Variants in ZNF354A observed in about 807,000 individuals in gnomAD.
ZNF354A encodes the protein epididymis luminal protein 104.
A neutral mutation model predicts 53.3 loss-of-function variants in ZNF354A; 25 were observed. That is an observed-to-expected ratio of 0.47 (90% CI 0.34 to 0.66). The LOEUF (loss-of-function observed/expected upper bound fraction) is 0.66, where lower values mean the gene tolerates loss of function less well. Among genes scored for constraint, ZNF354A ranks in the 30% least tolerant of loss-of-function variants. ZNF354A has a pLI of 0.01. For missense variants in ZNF354A, 586 were observed against 716.8 expected (o/e 0.82, Z 2.08); for synonymous variants, 228 against 249.0 (o/e 0.92, Z 0.79).
Position 178,711,964 on chromosome 5 carries a change from G to GT in ZNF354A, c.*95dup, listed in dbSNP as rs1387322531. 9 of 1,447,238 alleles carry GT rather than the reference G, an allele frequency of 6.2e-6. No homozygotes were observed. The highest frequency in any genetic ancestry group is 1.5e-5 in the South Asian group (1 of 67,674). The allele number at this position is 1,447,238 out of a possible 1,614,324, so 89.6% of individuals were successfully genotyped here. On this transcript the variant is annotated 3_prime_UTR_variant, in exon 5 of 5. Transcript: ENST00000335815. ...ACCTAATGAGGGCTAAATTATTACA[G>GT]TTTTTTTCACATCCATTACATTTAT...
intron 4 of ZNF354A, among the ~76,000 whole-genome samples, chr5:178,721,073 CAT>C (rs1481475275): frequency 2.6e-5 from 4 of 152,144 alleles, no homozygotes; most frequent in Non-Finnish European, 5.9e-5. Flanking sequence ...CTCAAAAAGT[CAT>C]AGATTCTACC....
At chr5:178,722,405 CA>C (rs1765827782) in intron 4 of ZNF354A, among the ~76,000 whole-genome samples, 1 of 152,224 alleles carries the variant, frequency 6.6e-6, no homozygotes, top group Admixed American at 6.5e-5. Context: ...ACATCATCTC[CA>C]AATCTGATCT....
At chr5:178,724,922 T>C (rs1765876920) in intron 4 of ZNF354A, among the ~76,000 whole-genome samples, 1 of 152,176 alleles carries the variant, frequency 6.6e-6, no homozygotes, top group Non-Finnish European at 1.5e-5. Flanking sequence ...CACCAACTTT[T>C]CTAAGATACC....
At chr5:178,728,337 C>T (rs958422818) in intron 2 of ZNF354A, among the ~76,000 whole-genome samples, 3 of 151,976 alleles carry the variant, frequency 2.0e-5, no homozygotes, top group South Asian at 2.1e-4. Context: ...CACAGCAATG[C>T]GGAAGTACCT....
chr5:178,730,030 ATT>A (rs1253424773), intron 1 of ZNF354A, among the ~76,000 whole-genome samples: 1 of 150,928 alleles, frequency 6.6e-6, no homozygotes, highest in Non-Finnish European at 1.5e-5. Context: ...CGCCCGGCTA[ATT>A]TTTTTTGTAT....
intron 4 of ZNF354A, among the ~76,000 whole-genome samples, chr5:178,716,952 G>A (rs761152062): frequency 4.0e-5 from 6 of 151,524 alleles, no homozygotes; most frequent in Non-Finnish European, 8.8e-5. Flanking sequence ...GGTGGCACAC[G>A]CCCATAATCC....
Position 178,712,282 on chromosome 5 carries a change from G to A in ZNF354A, c.1596C>T (p.Gly532=). Residue 532 remains glycine, a synonymous_variant, in exon 5 of 5, where the codon GGC becomes GGT. Coordinates refer to ENST00000335815, the MANE Select transcript of ZNF354A (RefSeq NM_005649.3). ...GATGCTGAATAAGAGCTGAACTTTG[G>A]CCAAAAGATATCCCACATTCCTCAC... ...YRCEECGISF[G]QSSALIQHRR... The A allele has an allele frequency of 6.2e-7, 1 of 1,613,970 alleles. No individual in the cohort carries two copies. The highest frequency in any genetic ancestry group is 1.1e-5 in the South Asian group (1 of 91,076).
rs1250268012 is a variant in ZNF354A, at chr5:178,725,404, C to T, written c.228G>A (p.Glu76=). 6.2e-7 allele frequency: 1 copy of T among 1,614,152 alleles called. No homozygotes were observed. The highest frequency in any genetic ancestry group is 8.5e-7 in the Non-Finnish European group (1 of 1,180,036). ...LQQGEDPWEV[E]KDGSGVSSLG... is the part of the protein sequence containing the mutation. ...GAGAGGAGACGCCAGAACCGTCTTT[C>T]TCCACCTCCCAGGGATCTTCTCCTT... The change falls in exon 4 of 5, where the codon GAG becomes GAA. Residue 76 remains glutamate (E), a synonymous_variant. Coordinates refer to ENST00000335815, the MANE Select transcript of ZNF354A (RefSeq NM_005649.3).
intron 4 of ZNF354A, among the ~76,000 whole-genome samples, chr5:178,718,498 C>T (rs965812604): frequency 9.2e-5 from 14 of 152,216 alleles, no homozygotes; most frequent in Admixed American, 2.0e-4. Flanking sequence ...CTTATGTGTA[C>T]GACTATCCTG....
intron 1 of ZNF354A, among the ~76,000 whole-genome samples, chr5:178,730,279 C>T (rs1377701221): frequency 2.6e-5 from 4 of 152,072 alleles, no homozygotes; most frequent in Non-Finnish European, 5.9e-5. Context: ...CTCGGGGTCC[C>T]GGTGCCCCGA....
chr5:178,726,298 A>T, intron 3 of ZNF354A: 2 of 437,614 alleles, frequency 4.6e-6, no homozygotes, highest in Non-Finnish European at 9.2e-6. Flanking sequence ...CACAAAGCCT[A>T]AAGTCTTTAC....
chr5:178,723,866 TCTCGGG>T (rs1765856395), intron 4 of ZNF354A, among the ~76,000 whole-genome samples: 1 of 151,960 alleles, frequency 6.6e-6, no homozygotes, highest in African/African-American at 2.4e-5. Flanking sequence ...TCTGATTACT[TCTCGGG>T]CTCTGTCAGA....
In ZNF354A at chr5:178,726,181, TACG is replaced by T. The variant is rs1156632103; in HGVS notation, c.161-713_161-711del. On this transcript the variant is annotated intron_variant, in intron 3 of 4. Coordinates refer to ENST00000335815, the MANE Select transcript of ZNF354A (RefSeq NM_005649.3). Reference sequence around the variant, plus strand: ...TTAAGGATGGCAGTGATCAGCAAACTACGGGTCATGGGCCAAATTCAGACCACT... The same window carrying T: ...TTAAGGATGGCAGTGATCAGCAAACTGGTCATGGGCCAAATTCAGACCACT... 6 of 455,576 alleles carry T rather than the reference TACG, an allele frequency of 1.3e-5. No individual in the cohort carries two copies. In the East Asian group the frequency reaches 4.2e-4, roughly 32 times the overall value. 28.2% of individuals were successfully genotyped at this position (455,576 alleles called of 1,614,324 possible).
chr5:178,727,342 G>A (rs920963972), intron 2 of ZNF354A, among the ~76,000 whole-genome samples: 1 of 152,216 alleles, frequency 6.6e-6, no homozygotes, highest in Non-Finnish European at 1.5e-5. Flanking sequence ...TAAGAGATGG[G>A]TAGAGGAATT....
At chr5:178,726,468 TTTTTG>T (rs1765910080) in intron 3 of ZNF354A, among the ~76,000 whole-genome samples, 2 of 151,752 alleles carry the variant, frequency 1.3e-5, no homozygotes, top group Admixed American at 6.6e-5. Flanking sequence ...CAGCTAATTT[TTTTTG>T]TGTTTTTTAG....
At chr5:178,726,491 A>T (rs1427304834) in intron 3 of ZNF354A, among the ~76,000 whole-genome samples, 2 of 151,826 alleles carry the variant, frequency 1.3e-5, no homozygotes, top group African/African-American at 4.8e-5. Flanking sequence ...TAGTAGAGAC[A>T]GGCTTTCACC....
chr5:178,727,836 T>C (rs1765940713), intron 2 of ZNF354A, among the ~76,000 whole-genome samples: 1 of 150,860 alleles, frequency 6.6e-6, no homozygotes. Context: ...ACTGACCAGC[T>C]GTGTGACTTG....
intron 1 of ZNF354A, chr5:178,729,442 G>T: frequency 5.8e-6 from 1 of 172,510 alleles, no homozygotes; most frequent in Non-Finnish European, 1.2e-5. Flanking sequence ...CTGCGAGGCG[G>T]GCCGGGACTC....
At chr5:178,728,365 T>G (rs944721311) in intron 2 of ZNF354A, among the ~76,000 whole-genome samples, 1 of 152,204 alleles carries the variant, frequency 6.6e-6, no homozygotes, top group African/African-American at 2.4e-5. Context: ...CACTGAATTA[T>G]ACACTTAAAA....
Sources: gnomAD v4.1 joint callset for allele counts (sites outside exome capture counted in the v4.1 genomes callset) on GRCh38, gnomAD v4.1.1 for gene constraint, MANE v1.5 for transcripts, NCBI Gene and HGNC (gene_info 2026-07-23, HGNC 2026-07-21) for gene names.